The following UBE2K variants were observed in gnomAD, a reference collection of about 807,000 sequenced individuals.
UBE2K encodes the protein ubiquitin-conjugating enzyme E2 K.
Under a neutral mutation model 30.0 loss-of-function variants are expected in UBE2K, and 6 were observed. That is an observed-to-expected ratio of 0.20 (90% CI 0.11 to 0.39). The LOEUF is 0.39. UBE2K is among the 10% of genes least tolerant of loss of function. The probability of loss-of-function intolerance (pLI) is 1.00; values close to 1 mark genes in which losing one functional copy is unlikely to be tolerated. For synonymous variants in UBE2K, 86 were observed against 83.7 expected (o/e 1.03, Z -0.15); for missense variants, 61 against 241.6 (o/e 0.25, Z 4.96).
At chr4:39,748,040 G>GA (rs1310438815) in intron 3 of UBE2K, among the ~76,000 whole-genome samples, 1 of 151,784 alleles carries the variant, frequency 6.6e-6, no homozygotes, top group African/African-American at 2.4e-5. Context: ...GACTCCATCT[G>GA]AAAAAAAGAA....
At chr4:39,724,361 TC>T (rs1328922870) in intron 1 of UBE2K, among the ~76,000 whole-genome samples, 1 of 151,946 alleles carries the variant, frequency 6.6e-6, no homozygotes, top group African/African-American at 2.4e-5. Flanking sequence ...TGCCTTGGCT[TC>T]CCAAAGTGCT....
intron 3 of UBE2K, among the ~76,000 whole-genome samples, chr4:39,754,134 C>T (rs1721411089): frequency 2.0e-5 from 3 of 152,118 alleles, no homozygotes; most frequent in African/African-American, 7.2e-5. Flanking sequence ...AAAGGGCTCT[C>T]TTTAGTTTTG....
rs369392608 is a variant in UBE2K, at chr4:39,724,662, G to C, written c.64-12758G>C. ...TGCATGCCTGTAGGCCCAGCTACTT[G>C]GGGGGGCTGAGGCAGGAGGATCACT... On this transcript the variant is annotated intron_variant, in intron 1 of 6. Transcript: ENST00000261427. Among the ~76,000 whole-genome samples, 5 of 151,000 alleles carry C rather than the reference G, an allele frequency of 3.3e-5. 1 individual carries two copies. The South Asian group carries it at 8.5e-4, about 26-fold the overall frequency.
chr4:39,748,841 A>G (rs569187953), intron 3 of UBE2K, among the ~76,000 whole-genome samples: 9 of 152,226 alleles, frequency 5.9e-5, no homozygotes, highest in Non-Finnish European at 1.0e-4. Flanking sequence ...AGAACAAACA[A>G]GAAAATGTTA....
chr4:39,777,193 G>A (rs1475093897), intron 5 of UBE2K, among the ~76,000 whole-genome samples: 1 of 152,078 alleles, frequency 6.6e-6, no homozygotes, highest in Non-Finnish European at 1.5e-5. Context: ...TTGCATGTGG[G>A]GTTTCCATAA....
intron 1 of UBE2K, among the ~76,000 whole-genome samples, chr4:39,716,316 G>C (rs1209604939): frequency 2.6e-5 from 4 of 152,140 alleles, no homozygotes; most frequent in Non-Finnish European, 5.9e-5. Context: ...TGTGATCACA[G>C]CTCACGCCGC....
intron 1 of UBE2K, among the ~76,000 whole-genome samples, chr4:39,702,231 C>CTTTTTTTTTTTTTTTTTTTTTTTTTTTTT (rs564712672): frequency 1.5e-5 from 1 of 67,390 alleles, no homozygotes; most frequent in Non-Finnish European, 2.7e-5. Context: ...CTTTTCTTTT[C>CTTTTTTTTTTTTTTTTTTTTTTTTTTTTT]TTTTTTTTTT....
chr4:39,760,291 C>T (rs1711837928), intron 4 of UBE2K, among the ~76,000 whole-genome samples: 1 of 150,678 alleles, frequency 6.6e-6, no homozygotes, highest in Non-Finnish European at 1.5e-5. Context: ...CTATCAGCTT[C>T]ATTCCTAGGT....
At position 39,780,939 on chromosome 4, in the gene UBE2K, T is replaced by C. The variant is rs970308003; in HGVS notation, c.*2505T>C. 3 of 152,078 alleles carry C rather than the reference T, an allele frequency of 2.0e-5. No individual in the cohort carries two copies. The highest frequency in any genetic ancestry group is 4.8e-5 in the African/African-American group (2 of 41,430). The allele number at this position is 152,078 out of a possible 1,614,324, so 9.4% of individuals were successfully genotyped here. On this transcript the variant is annotated 3_prime_UTR_variant, in exon 7 of 7. Coordinates refer to ENST00000261427, the MANE Select transcript of UBE2K (RefSeq NM_005339.5). ...TCAGTTTTAAAAGCCTCAAAAATTA[T>C]GTTAAAAAAAAAATCCAGTGAAATC...
intron 1 of UBE2K, among the ~76,000 whole-genome samples, chr4:39,707,572 C>T (rs1339534148): frequency 4.0e-5 from 6 of 148,562 alleles, no homozygotes; most frequent in Non-Finnish European, 8.9e-5. Context: ...CTCACTCTGT[C>T]GCCCAGGGGC....
intron 1 of UBE2K, among the ~76,000 whole-genome samples, chr4:39,704,189 G>A (rs1042226949): frequency 6.6e-6 from 1 of 151,972 alleles, no homozygotes; most frequent in African/African-American, 2.4e-5. Flanking sequence ...CTGGGAGGTC[G>A]AGGCTGCAGT....
intron 4 of UBE2K, among the ~76,000 whole-genome samples, chr4:39,758,108 G>A (rs1711615485): frequency 6.6e-6 from 1 of 152,110 alleles, no homozygotes; most frequent in African/African-American, 2.4e-5. Flanking sequence ...CCTGAAACCT[G>A]CTTCTATAGT....
At chr4:39,745,632 C>G in intron 2 of UBE2K, 120 bp from the exon 3 acceptor site, 1 of 685,296 alleles carries the variant, frequency 1.5e-6, no homozygotes, top group East Asian at 3.1e-5. Flanking sequence ...TGGATTTCAA[C>G]TTTAAAATGA....
In UBE2K at chr4:39,779,526, A is replaced by G. The variant is rs1713488259; in HGVS notation, c.*1092A>G. On this transcript the variant is annotated 3_prime_UTR_variant, in exon 7 of 7. Coordinates refer to ENST00000261427, the MANE Select transcript of UBE2K (RefSeq NM_005339.5). ...GTACATACTTCAGATGCACATAGGA[A>G]TAGAAGTGTGTTATAAATCTAGCTT... 1 of 152,640 alleles carries G rather than the reference A, an allele frequency of 6.6e-6. No individual in the cohort carries two copies. The highest frequency in any genetic ancestry group is 1.5e-5 in the Non-Finnish European group (1 of 68,042). 9.5% of individuals were successfully genotyped at this position (152,640 alleles called of 1,614,324 possible). A position where few individuals can be genotyped will look rare whatever the true frequency, so the allele number is the denominator to read the frequency against.
intron 4 of UBE2K, among the ~76,000 whole-genome samples, chr4:39,771,582 A>G (rs305121): frequency 0.82 from 125,219 of 152,042 alleles, 51,995 homozygotes; most frequent in East Asian, 0.92. Flanking sequence ...GAGGGTGTAT[A>G]GGGCGCGCTC....
At chr4:39,757,463 GT>G (rs1177945426) in intron 4 of UBE2K, among the ~76,000 whole-genome samples, 1 of 50,028 alleles carries the variant, frequency 2.0e-5, no homozygotes, top group Non-Finnish European at 3.4e-5. Flanking sequence ...TACAGGTTTT[GT>G]TTTGTTTTTT....
At chr4:39,752,254 C>T (rs28379845) in intron 3 of UBE2K, among the ~76,000 whole-genome samples, 16,571 of 151,244 alleles carry the variant, frequency 0.11, 1,112 homozygotes, top group East Asian at 0.22. Context: ...CTCAGCCATC[C>T]GAGTAGTTGG....
intron 1 of UBE2K, among the ~76,000 whole-genome samples, chr4:39,720,936 T>C (rs1489019473): frequency 6.6e-6 from 1 of 152,096 alleles, no homozygotes; most frequent in Non-Finnish European, 1.5e-5. Context: ...TTGTAGAGAC[T>C]GAGTTTTGCC....
Position 39,727,273 on chromosome 4 carries a change from G to A in UBE2K, c.64-10147G>A, listed in dbSNP as rs149694928. ...TGGACAACAAAGACTGAATTGAAAA[G>A]GTGATACTGGAGAGTAGGACTTGAT... is the stretch of plus-strand genomic sequence containing the variant. On this transcript the variant is annotated intron_variant, in intron 1 of 6. Transcript: ENST00000261427. 3.2e-3 allele frequency among the ~76,000 whole-genome samples: 484 copies of A among 152,316 alleles called. 2 individuals carry two copies. The highest frequency in any genetic ancestry group is 0.011 in the African/African-American group (456 of 41,580).
Sources: gnomAD v4.1 joint callset for allele counts (sites outside exome capture counted in the v4.1 genomes callset) on GRCh38, gnomAD v4.1.1 for gene constraint, MANE v1.5 for transcripts, NCBI Gene and HGNC (gene_info 2026-07-23, HGNC 2026-07-21) for gene names.